CREB5: variants seen among roughly 807,000 people sequenced by gnomAD.
CREB5 encodes the protein cAMP responsive element binding protein 5, also known as cyclic AMP-responsive element-binding protein 5.
A neutral mutation model predicts 57.1 loss-of-function variants in CREB5; 19 were observed. That is an observed-to-expected ratio of 0.33 (90% CI 0.23 to 0.49). The LOEUF is 0.49. Among genes scored for constraint, CREB5 ranks in the 20% least tolerant of loss-of-function variants. The pLI is 0.99. For synonymous variants in CREB5, 238 were observed against 238.3 expected (o/e 1.00, Z 0.01); for missense variants, 579 against 671.6 (o/e 0.86, Z 1.52).
chr7:28,533,931 C>T (rs1793846807), intron 4 of CREB5, among the ~76,000 whole-genome samples: 1 of 152,168 alleles, frequency 6.6e-6, no homozygotes, highest in African/African-American at 2.4e-5. Context: ...AATGACAGGG[C>T]ATATGCAGGA....
At chr7:28,452,997 A>G (rs1414396095) in intron 1 of CREB5, among the ~76,000 whole-genome samples, 1 of 152,238 alleles carries the variant, frequency 6.6e-6, no homozygotes, top group Non-Finnish European at 1.5e-5. Flanking sequence ...GTGAATGTGC[A>G]GCCCGACATG....
intron 3 of CREB5, among the ~76,000 whole-genome samples, chr7:28,496,994 C>T (rs1487564794): frequency 6.6e-6 from 1 of 152,168 alleles, no homozygotes; most frequent in Non-Finnish European, 1.5e-5. Context: ...CATCAGTGAG[C>T]ATAGATACAC....
intron 7 of CREB5, among the ~76,000 whole-genome samples, chr7:28,737,538 CGTATATATATATATATATATATAT>C (rs1298295320): frequency 4.6e-4 from 22 of 47,918 alleles, no homozygotes; most frequent in African/African-American, 1.3e-3. Context: ...TATATATATA[CGTATATATATATATATATATATAT>C]ATATATATAT....
intron 7 of CREB5, among the ~76,000 whole-genome samples, chr7:28,775,543 C>CATATATATATATATATATAGATAT (rs1806572102): frequency 8.3e-6 from 1 of 120,632 alleles, no homozygotes; most frequent in East Asian, 4.1e-4. Context: ...ATTCCTTAGC[C>CATATATATATATATATATAGATAT]ATATATATAT....
intron 5 of CREB5, among the ~76,000 whole-genome samples, chr7:28,664,895 A>C (rs1020492873): frequency 6.6e-6 from 1 of 152,156 alleles, no homozygotes; most frequent in Non-Finnish European, 1.5e-5. Flanking sequence ...ACAAATAATG[A>C]GGGTTGTAAA....
intron 1 of CREB5, among the ~76,000 whole-genome samples, chr7:28,480,127 A>G (rs1171178642): frequency 6.6e-6 from 1 of 152,186 alleles, no homozygotes; most frequent in East Asian, 1.9e-4. Context: ...AAAGATATTT[A>G]TTTTACATGA....
intron 7 of CREB5, among the ~76,000 whole-genome samples, chr7:28,737,568 TATATATATATA>T (rs1170222823): frequency 0.016 from 938 of 56,974 alleles, 21 homozygotes; most frequent in Middle Eastern, 0.038. Context: ...TATATATATA[TATATATATATA>T]TATATATATT....
intron 4 of CREB5, among the ~76,000 whole-genome samples, chr7:28,529,448 C>A (rs1793626563): frequency 6.6e-6 from 1 of 152,198 alleles, no homozygotes; most frequent in Non-Finnish European, 1.5e-5. Flanking sequence ...ACAATTTTAT[C>A]AAAAATTTTT....
At chr7:28,552,233 T>A (rs552719828) in intron 4 of CREB5, among the ~76,000 whole-genome samples, 6 of 152,292 alleles carry the variant, frequency 3.9e-5, no homozygotes, top group Non-Finnish European at 8.8e-5. Context: ...AGACGGGGTT[T>A]TGCCATGTTG....
At chr7:28,707,695 A>T (rs1345851107) in intron 5 of CREB5, among the ~76,000 whole-genome samples, 1 of 152,186 alleles carries the variant, frequency 6.6e-6, no homozygotes, top group Admixed American at 6.5e-5. Context: ...GAAATTTCAA[A>T]ATCTCTATTA....
chr7:28,479,293 C>T (rs766882826), intron 1 of CREB5, among the ~76,000 whole-genome samples: 2 of 152,170 alleles, frequency 1.3e-5, no homozygotes, highest in Non-Finnish European at 2.9e-5. Context: ...TGCAGAATAT[C>T]CCATATCCCA....
intron 5 of CREB5, among the ~76,000 whole-genome samples, chr7:28,658,959 A>ATATATATATATATATGTG (rs1799458078): frequency 5.4e-5 from 7 of 129,534 alleles, no homozygotes; most frequent in African/African-American, 2.1e-4. Flanking sequence ...GTGTGTATAT[A>ATATATATATATATATGTG]TATATATATA....
chr7:28,551,922 T>C (rs1214167783), intron 4 of CREB5, among the ~76,000 whole-genome samples: 1 of 128,190 alleles, frequency 7.8e-6, no homozygotes, highest in African/African-American at 4.2e-5. Flanking sequence ...TTTCTCTTTT[T>C]TCTTTCTTTC....
intron 7 of CREB5, among the ~76,000 whole-genome samples, chr7:28,783,189 A>G (rs1807090777): frequency 6.6e-6 from 1 of 152,208 alleles, no homozygotes; most frequent in South Asian, 2.1e-4. Flanking sequence ...TGGCCCCAGT[A>G]CAGCCTCAAA....
intron 5 of CREB5, among the ~76,000 whole-genome samples, chr7:28,713,057 A>T (rs1453524810): frequency 1.3e-5 from 2 of 151,890 alleles, no homozygotes; most frequent in Non-Finnish European, 2.9e-5. Context: ...ATTTTTATTT[A>T]TTTTTTATTT....
At chr7:28,592,201 G>C (rs929422895) in intron 5 of CREB5, among the ~76,000 whole-genome samples, 3 of 152,082 alleles carry the variant, frequency 2.0e-5, no homozygotes, top group African/African-American at 4.8e-5. Context: ...GTTTTAATTC[G>C]GTAACCTAAT....
chr7:28,592,697 G>T (rs1003854603), intron 5 of CREB5, among the ~76,000 whole-genome samples: 1 of 152,120 alleles, frequency 6.6e-6, no homozygotes, highest in African/African-American at 2.4e-5. Context: ...TTCAAGTGCC[G>T]TGGCCTGTTC....
chr7:28,666,699 C>T lies in CREB5; in HGVS notation c.465-52054C>T, dbSNP rs79832747. On this transcript the variant is annotated intron_variant, in intron 5 of 10. Transcript: ENST00000357727. Reference sequence around the variant, plus strand: ...TGTCAAACTTGGGCATGGTGGTTCACGCCTGTTATTGCAACTACTCAGGAG... The same window carrying T: ...TGTCAAACTTGGGCATGGTGGTTCATGCCTGTTATTGCAACTACTCAGGAG... 7.8e-4 allele frequency among the ~76,000 whole-genome samples: 118 copies of T among 152,140 alleles called. No homozygotes were observed. The East Asian group carries it at 0.014, about 19-fold the overall frequency.
At chr7:28,531,628 G>A (rs1326132091) in intron 4 of CREB5, among the ~76,000 whole-genome samples, 2 of 152,168 alleles carry the variant, frequency 1.3e-5, no homozygotes, top group Non-Finnish European at 2.9e-5. Context: ...ATTTGAAAAG[G>A]AGGGATACAA....
Sources: gnomAD v4.1 joint callset for allele counts (sites outside exome capture counted in the v4.1 genomes callset) on GRCh38, gnomAD v4.1.1 for gene constraint, MANE v1.5 for transcripts, NCBI Gene and HGNC (gene_info 2026-07-23, HGNC 2026-07-21) for gene names.